The following LMO7 variants were observed in gnomAD, a reference collection of about 807,000 sequenced individuals.
LMO7 encodes the protein LIM domain only protein 7.
Under a neutral mutation model 206.5 loss-of-function variants are expected in LMO7, and 120 were observed. The ratio of observed to expected loss-of-function variants is 0.58; its 90% confidence interval spans 0.50 to 0.68. The LOEUF (loss-of-function observed/expected upper bound fraction) is 0.68, where lower values mean the gene tolerates loss of function less well. Ranked by LOEUF, LMO7 falls within the 30% of genes least tolerant of loss-of-function variation. The pLI is 0.00. For synonymous variants in LMO7, 706 were observed against 681.5 expected, an observed-to-expected ratio of 1.04 and a Z score of -0.56; for missense variants, 1,959 against 1,957.9, an observed-to-expected ratio of 1.00 and a Z score of -0.01.
intron 1 of LMO7, among the ~76,000 whole-genome samples, chr13:75,706,631 C>T (rs942214132): frequency 1.2e-4 from 18 of 152,176 alleles, no homozygotes; most frequent in African/African-American, 4.3e-4. Flanking sequence ...TGTGTTAACA[C>T]ATCTTTTTAT....
chr13:75,725,748 T>C (rs1393349924), intron 2 of LMO7, among the ~76,000 whole-genome samples: 1 of 152,084 alleles, frequency 6.6e-6, no homozygotes, highest in Non-Finnish European at 1.5e-5. Flanking sequence ...AATGGTATTA[T>C]TAACTATATT....
intron 11 of LMO7, among the ~76,000 whole-genome samples, chr13:75,815,837 G>T (rs371264272): frequency 3.9e-5 from 6 of 152,214 alleles, no homozygotes; most frequent in African/African-American, 1.4e-4. Context: ...AAACAAAGGT[G>T]AAAAGTGGTT....
intron 2 of LMO7, among the ~76,000 whole-genome samples, chr13:75,717,348 G>A (rs966977608): frequency 7.6e-6 from 1 of 132,174 alleles, no homozygotes; most frequent in Non-Finnish European, 1.6e-5. Flanking sequence ...GGGCAACAGA[G>A]TGAGACTCCG....
At chr13:75,751,546 T>A (rs1018218994) in intron 3 of LMO7, among the ~76,000 whole-genome samples, 5 of 152,162 alleles carry the variant, frequency 3.3e-5, no homozygotes, top group African/African-American at 1.2e-4. Context: ...ACAAGAGTAT[T>A]TGGTTAATTG....
At chr13:75,705,111 T>C (rs73225951) in intron 1 of LMO7, among the ~76,000 whole-genome samples, 2,469 of 152,262 alleles carry the variant, frequency 0.016, 36 homozygotes, top group Non-Finnish European at 0.024. Flanking sequence ...CTTCATATGC[T>C]CGGGTAGGCT....
At chr13:75,854,258 C>T (rs1426292365) in intron 28 of LMO7, among the ~76,000 whole-genome samples, 1 of 152,034 alleles carries the variant, frequency 6.6e-6, no homozygotes, top group Admixed American at 6.6e-5. Flanking sequence ...CTTTTTAAAG[C>T]CATCAGATAA....
intron 1 of LMO7, among the ~76,000 whole-genome samples, chr13:75,640,872 A>G (rs1376822043): frequency 6.6e-6 from 1 of 152,114 alleles, no homozygotes; most frequent in Non-Finnish European, 1.5e-5. Context: ...GCCAGTGTGT[A>G]CTTGTTTATT....
At chr13:75,744,900 G>C (rs541884503) in intron 3 of LMO7, among the ~76,000 whole-genome samples, 1 of 152,202 alleles carries the variant, frequency 6.6e-6, no homozygotes, top group African/African-American at 2.4e-5. Context: ...AGATCCATGT[G>C]TCAGTTCCCG....
intron 11 of LMO7, among the ~76,000 whole-genome samples, chr13:75,811,025 A>G (rs147973160): frequency 4.7e-4 from 71 of 152,330 alleles, no homozygotes; most frequent in African/African-American, 1.6e-3. Flanking sequence ...TTGTCTGTAA[A>G]TTGAGACTGA....
intron 11 of LMO7, among the ~76,000 whole-genome samples, chr13:75,811,727 C>A (rs1055765785): frequency 6.6e-6 from 1 of 152,130 alleles, no homozygotes; most frequent in African/African-American, 2.4e-5. Context: ...TATGTGCTTT[C>A]GTCTTGCATG....
intron 17 of LMO7, 37 bp from the exon 18 acceptor site, chr13:75,835,196 A>G: frequency 6.2e-7 from 1 of 1,609,810 alleles, no homozygotes; most frequent in South Asian, 1.1e-5. Context: ...ACGGCATAAA[A>G]CCCTCAATCT....
rs75215725 is a variant in LMO7, at chr13:75,702,986, A to G, written c.70-10196A>G. Among the ~76,000 whole-genome samples, 745 of 152,328 alleles carry G rather than the reference A, an allele frequency of 4.9e-3. 8 individuals are homozygous for G. Among genetic ancestry groups the G allele is most frequent in the African/African-American group, 0.017 (699 of 41,582 alleles). On this transcript the variant is annotated intron_variant, in intron 1 of 30. Transcript: ENST00000377534. Reference sequence around the variant, plus strand: ...TCATCCAACCATATAGTCTTTCAAAAAGTATCACTAGAGTGATATACTTTC... The same window carrying G: ...TCATCCAACCATATAGTCTTTCAAAGAGTATCACTAGAGTGATATACTTTC...
rs939616858 is a variant in LMO7 at position 75,859,718 on chromosome 13, G to T, written c.*1775G>T. On this transcript the variant is annotated 3_prime_UTR_variant, in exon 31 of 31. Coordinates refer to ENST00000377534, the MANE Select transcript of LMO7 (RefSeq NM_001306080.2). ...AGTGGTTTCCAGAAAGGCACTGCTG[G>T]CTTCGACTCCTATAAGCAGCACGTG... The T allele has an allele frequency of 6.6e-6, 1 of 152,088 alleles. No homozygotes were observed. Among genetic ancestry groups the T allele is most frequent in the African/African-American group, 2.4e-5 (1 of 41,420 alleles). The allele number at this position is 152,088 out of a possible 1,614,324, so 9.4% of individuals were successfully genotyped here. A position where few individuals can be genotyped will look rare whatever the true frequency, so the allele number is the denominator to read the frequency against.
At chr13:75,768,187 T>A (rs1216537390) in intron 4 of LMO7, among the ~76,000 whole-genome samples, 1 of 152,092 alleles carries the variant, frequency 6.6e-6, no homozygotes, top group Non-Finnish European at 1.5e-5. Flanking sequence ...GATACATGTC[T>A]CCTGTAGGAA....
chr13:75,661,207 C>T (rs928432385), intron 1 of LMO7, among the ~76,000 whole-genome samples: 3 of 152,120 alleles, frequency 2.0e-5, no homozygotes, highest in Admixed American at 2.0e-4. Context: ...AGGGCTGAGA[C>T]TGGGTTTTCA....
chr13:75,692,255 C>A (rs2041548265), intron 1 of LMO7, among the ~76,000 whole-genome samples: 1 of 152,162 alleles, frequency 6.6e-6, no homozygotes, highest in Non-Finnish European at 1.5e-5. Flanking sequence ...ACTACCCAGG[C>A]CCTAGTTCTG....
At chr13:75,817,340 TAAAGTC>T (rs2057119201) in intron 12 of LMO7, 62 bp downstream of exon 12, 1 of 1,034,966 alleles carries the variant, frequency 9.7e-7, no homozygotes, top group African/African-American at 1.6e-5. Context: ...TTGCTTCTCT[TAAAGTC>T]AATATACTCA....
At position 75,760,859 on chromosome 13, in the gene LMO7, A is replaced by G. The variant is rs1180317677; in HGVS notation, c.211-73A>G. 3 of 1,590,384 alleles carry G rather than the reference A, an allele frequency of 1.9e-6. No individual in the cohort carries two copies. The Admixed American group carries it at 5.3e-5, about 28-fold the overall frequency. ...AATTGGACTTTGAAGCTTCGAAGTT[A>G]TATCATAAAAATTTGTAACCTTTGT... On this transcript the variant is annotated intron_variant, in intron 3 of 30. Coordinates refer to ENST00000377534, the MANE Select transcript of LMO7 (RefSeq NM_001306080.2).
At position 75,834,306 on chromosome 13, in the gene LMO7, T is replaced by C; in HGVS notation, c.3145T>C (p.Ser1049Pro). Residue 1049 changes from serine (S) to proline (P), a missense_variant, in exon 17 of 31, where the codon TCA (serine) becomes CCA (proline). Ser to Pro is a moderately conservative substitution (Grantham distance 74). Coordinates refer to ENST00000377534, the MANE Select transcript of LMO7 (RefSeq NM_001306080.2). ...CAACACCAAGTTTTCATATAACGAT[T>C]CAAAAGAGTGGGAGGAAGCCATGGC... ...INNTKFSYND[S>P]KEWEEAMAKA... The C allele has an allele frequency of 6.2e-7, 1 of 1,611,988 alleles. No homozygotes were observed. The highest frequency in any genetic ancestry group is 8.5e-7 in the Non-Finnish European group (1 of 1,178,844).
Sources: allele counts gnomAD v4.1 joint callset (sites outside exome capture counted in the v4.1 genomes callset), GRCh38; gene constraint gnomAD v4.1.1; transcripts MANE v1.5; gene names NCBI Gene and HGNC (gene_info 2026-07-23, HGNC 2026-07-21).